The following CARMIL1 variants were observed in gnomAD, a reference collection of about 807,000 sequenced individuals.
The protein encoded by CARMIL1 is F-actin-uncapping protein LRRC16A.
Under a neutral mutation model 177.1 loss-of-function variants are expected in CARMIL1, and 90 were observed. The ratio of observed to expected loss-of-function variants is 0.51; its 90% CI spans 0.43 to 0.61. CARMIL1 has a LOEUF of 0.61. Ranked by LOEUF, CARMIL1 falls within the 20% of genes least tolerant of loss-of-function variation. CARMIL1 has a pLI of 0.00. For synonymous variants in CARMIL1, 577 were observed against 606.2 expected (o/e 0.95, Z 0.71); for missense variants, 1,380 against 1,667.0 (o/e 0.83, Z 3.00).
rs113072961 is a variant in CARMIL1, at chr6:25,561,814, A to G, written c.2742+4964A>G. ...TAACTATGTGAAGAGGGTTGTTCAA[A>G]TCATAATTGTTAATTTTCTCATAAT... is the stretch of plus-strand genomic sequence containing the variant. On this transcript the variant is annotated intron_variant, in intron 29 of 36. Transcript: ENST00000329474. 5.6e-3 allele frequency among the ~76,000 whole-genome samples: 856 copies of G among 152,274 alleles called. 5 individuals are homozygous for G. Among genetic ancestry groups the G allele is most frequent in the African/African-American group, 0.02 (814 of 41,566 alleles).
intron 14 of CARMIL1, 55 bp from the exon 15 acceptor site, chr6:25,491,893 G>C: frequency 6.3e-7 from 1 of 1,576,506 alleles, no homozygotes; most frequent in African/African-American, 1.4e-5. Context: ...TCTAATAAAA[G>C]ATTCTCCTGG....
At position 25,550,968 on chromosome 6, in the gene CARMIL1, A is replaced by G. The variant is rs1360444062; in HGVS notation, c.2387A>G (p.Lys796Arg). ...AATCTTTGTCCCAATGTGATGAAAA[A>G]AGCCCACATTCGACAAGACTTGATT... ...AENLCPNVMK[K>R]AHIRQDLIHA... Residue 796 changes from lysine (K) to arginine (R), a missense_variant, in exon 27 of 37, where the codon AAA becomes AGA. Transcript: ENST00000329474. 6.2e-7 allele frequency: 1 copy of G among 1,613,440 alleles called. No homozygotes were observed. Among genetic ancestry groups the G allele is most frequent in the East Asian group, 2.2e-5 (1 of 44,878 alleles).
At position 25,615,342 on chromosome 6, in the gene CARMIL1, T is replaced by C. The variant is rs71557304; in HGVS notation, c.3980-4105T>C. Among the ~76,000 whole-genome samples, 192 of 152,352 alleles carry C rather than the reference T, an allele frequency of 1.3e-3. 1 individual carries two copies. Among genetic ancestry groups the C allele is most frequent in the Non-Finnish European group, 2.2e-3 (153 of 68,028 alleles). Reference sequence around the variant, plus strand: ...CTGCATATTTTTATCACGAATATTATGTTTTGTGTGGCTACTATATTGATT... The same window carrying C: ...CTGCATATTTTTATCACGAATATTACGTTTTGTGTGGCTACTATATTGATT... On this transcript the variant is annotated intron_variant, in intron 36 of 36. Coordinates refer to ENST00000329474, the MANE Select transcript of CARMIL1 (RefSeq NM_017640.6).
At chr6:25,420,251 C>T (rs1157043485) in intron 3 of CARMIL1, 87 bp downstream of exon 3, 30 of 1,223,584 alleles carry the variant, frequency 2.5e-5, no homozygotes, top group Middle Eastern at 3.8e-4. Flanking sequence ...TACATGTGTG[C>T]ACACATATTC....
intron 31 of CARMIL1, among the ~76,000 whole-genome samples, chr6:25,587,855 T>C (rs1207511856): frequency 6.6e-6 from 1 of 152,168 alleles, no homozygotes; most frequent in Non-Finnish European, 1.5e-5. Flanking sequence ...GAAATGCCAT[T>C]TTCTCAGGTA....
intron 24 of CARMIL1, among the ~76,000 whole-genome samples, chr6:25,535,322 C>A (rs1808178904): frequency 1.3e-5 from 2 of 152,028 alleles, no homozygotes; most frequent in Admixed American, 6.6e-5. Context: ...AATGTTAAAC[C>A]TGAAGAAAAG....
intron 2 of CARMIL1, among the ~76,000 whole-genome samples, chr6:25,295,366 A>G (rs1782301761): frequency 6.6e-6 from 1 of 152,196 alleles, no homozygotes; most frequent in African/African-American, 2.4e-5. Context: ...AGTTTATCTA[A>G]CCATGTCCCT....
Position 25,324,917 on chromosome 6 carries a change from G to T in CARMIL1, c.138+40008G>T, listed in dbSNP as rs542874731. Among the ~76,000 whole-genome samples the T allele has an allele frequency of 3.3e-5, 5 of 152,148 alleles. No individual in the cohort carries two copies. In the South Asian group the frequency reaches 6.2e-4, roughly 19 times the overall value. ...GAAGTGAACCCTAAGAGGACCACTG[G>T]GCAGAAGTGGAAGAGCTAGGATAGG... On this transcript the variant is annotated intron_variant, in intron 2 of 36. Coordinates refer to ENST00000329474, the MANE Select transcript of CARMIL1 (RefSeq NM_017640.6).
intron 8 of CARMIL1, among the ~76,000 whole-genome samples, chr6:25,463,207 T>C (rs1800273617): frequency 6.6e-6 from 1 of 152,224 alleles, no homozygotes; most frequent in African/African-American, 2.4e-5. Context: ...TAACAAGGTA[T>C]CCTTATGACA....
In CARMIL1 at chr6:25,515,792, G is replaced by A. The variant is rs1396789448; in HGVS notation, c.1750G>A (p.Gly584Arg). The change falls in exon 21 of 37, where the codon GGG becomes AGG. Residue 584 changes from glycine to arginine, a missense_variant. Coordinates refer to ENST00000329474, the MANE Select transcript of CARMIL1 (RefSeq NM_017640.6). This position sits in a 1 kb window ranked among gnomAD's most constrained non-coding sequence, Gnocchi z 5.0. ...TKVDISGNGM[G>R]DMGAKMLAKA... is the part of the protein sequence containing the mutation. The stretch of plus-strand genomic sequence containing the variant: ...AGTGGACATTAGCGGCAACGGAATG[G>A]GGGACATGGGAGCGAAGATGCTGGC... The A allele has an allele frequency of 6.2e-7, 1 of 1,611,746 alleles. No homozygotes were observed. Among genetic ancestry groups the A allele is most frequent in the Non-Finnish European group, 8.5e-7 (1 of 1,179,082 alleles).
chr6:25,592,468 C>G (rs1198704744), intron 31 of CARMIL1, among the ~76,000 whole-genome samples: 1 of 152,142 alleles, frequency 6.6e-6, no homozygotes, highest in Admixed American at 6.5e-5. Flanking sequence ...AATTATAGAA[C>G]TTTGCTGATT....
In CARMIL1 at chr6:25,279,664, C is replaced by A; in HGVS notation, c.-132C>A. 1.2e-6 allele frequency: 1 copy of A among 814,484 alleles called. No individual in the cohort carries two copies. Among genetic ancestry groups the A allele is most frequent in the Non-Finnish European group, 2.2e-6 (1 of 464,442 alleles). 50.5% of individuals were successfully genotyped at this position (814,484 alleles called of 1,614,324 possible). Reference sequence around the variant, plus strand: ...GCGCGCGGCAAAATTCTGTCTCCGCCCCCCCTTTTCTTGCCCACTTCCATT... The same window carrying A: ...GCGCGCGGCAAAATTCTGTCTCCGCACCCCCTTTTCTTGCCCACTTCCATT... On this transcript the variant is annotated 5_prime_UTR_variant, in exon 1 of 37. Transcript: ENST00000329474.
intron 29 of CARMIL1, among the ~76,000 whole-genome samples, chr6:25,578,056 G>T (rs1169345617): frequency 6.6e-6 from 1 of 152,094 alleles, no homozygotes; most frequent in Non-Finnish European, 1.5e-5. Flanking sequence ...AGTTAATTTT[G>T]TCTAGGCCTC....
At chr6:25,488,388 C>G in intron 12 of CARMIL1, 94 bp from the exon 13 acceptor site, 1 of 893,632 alleles carries the variant, frequency 1.1e-6, no homozygotes, top group Non-Finnish European at 1.9e-6. Context: ...CTCAGTCCTG[C>G]AATTTGATGG....
intron 4 of CARMIL1, among the ~76,000 whole-genome samples, chr6:25,431,286 GTT>G (rs1554193960): frequency 6.8e-6 from 1 of 146,556 alleles, no homozygotes. Context: ...GTGTGTGTGT[GTT>G]TGTGTGTATG....
At chr6:25,302,209 T>G (rs543448552) in intron 2 of CARMIL1, among the ~76,000 whole-genome samples, 3 of 152,166 alleles carry the variant, frequency 2.0e-5, no homozygotes, top group Non-Finnish European at 4.4e-5. Flanking sequence ...TCTTTCCTAT[T>G]AGAACCAAGG....
chr6:25,449,520 T>C (rs535070052), intron 5 of CARMIL1, among the ~76,000 whole-genome samples: 8 of 152,344 alleles, frequency 5.3e-5, no homozygotes, highest in African/African-American at 1.9e-4. Flanking sequence ...CAAGGCACTA[T>C]AGAAGGACAG....
At chr6:25,615,659 A>T (rs1042230365) in intron 36 of CARMIL1, among the ~76,000 whole-genome samples, 1 of 152,310 alleles carries the variant, frequency 6.6e-6, no homozygotes, top group African/African-American at 2.4e-5. Context: ...GCTCTGCTCT[A>T]CTTTTTCCAC....
intron 36 of CARMIL1, among the ~76,000 whole-genome samples, chr6:25,616,466 C>G (rs1444163810): frequency 6.6e-6 from 1 of 151,950 alleles, no homozygotes; most frequent in African/African-American, 2.4e-5. Flanking sequence ...GTCTGCTACT[C>G]TGGAAGCTGA....
Sources: allele counts gnomAD v4.1 joint callset (sites outside exome capture counted in the v4.1 genomes callset), GRCh38; gene constraint gnomAD v4.1.1; non-coding constraint Gnocchi (gnomAD v3.1); transcripts MANE v1.5; gene names NCBI Gene and HGNC (gene_info 2026-07-23, HGNC 2026-07-21).